Variants in AGMO observed in about 807,000 individuals in gnomAD.
The protein encoded by AGMO is alkylglycerol monooxygenase.
Under a neutral mutation model 60.2 loss-of-function variants are expected in AGMO, and 75 were observed. The ratio of observed to expected loss-of-function variants is 1.25; its 90% CI spans 1.03 to 1.51. AGMO has a LOEUF of 1.51. AGMO is among the 40% of genes most tolerant of loss of function. AGMO has a pLI of 0.00. For missense variants in AGMO, 763 were observed against 525.5 expected (o/e 1.45, Z -4.42); for synonymous variants, 261 against 177.1 (o/e 1.47, Z -3.76).
Position 15,380,599 on chromosome 7 carries a change from T to A in AGMO, c.1074+4847A>T, listed in dbSNP as rs74774531. On this transcript the variant is annotated intron_variant, in intron 10 of 12. Transcript: ENST00000342526. Reference sequence around the variant, plus strand: ...TGGCCATATTGCTCAAAGCAATTTATAGAATCAATGCTATGCTTATTAAAC... The same window carrying A: ...TGGCCATATTGCTCAAAGCAATTTAAAGAATCAATGCTATGCTTATTAAAC... Among the ~76,000 whole-genome samples, 8 of 152,240 alleles carry A rather than the reference T, an allele frequency of 5.3e-5. No homozygotes were observed. The East Asian group carries it at 1.5e-3, about 29-fold the overall frequency.
At chr7:15,500,091 C>A (rs370388066) in intron 3 of AGMO, among the ~76,000 whole-genome samples, 1 of 151,630 alleles carries the variant, frequency 6.6e-6, no homozygotes, top group Admixed American at 6.6e-5. Flanking sequence ...CATTGTCTTA[C>A]AGTTTTGGTT....
At chr7:15,228,526 A>C (rs1442742610) in intron 12 of AGMO, among the ~76,000 whole-genome samples, 6 of 152,188 alleles carry the variant, frequency 3.9e-5, no homozygotes, top group Non-Finnish European at 8.8e-5. Flanking sequence ...AGAGTACACA[A>C]GGAGAAAATA....
chr7:15,272,605 T>C (rs1783649887), intron 12 of AGMO, among the ~76,000 whole-genome samples: 3 of 152,142 alleles, frequency 2.0e-5, no homozygotes, highest in African/African-American at 4.8e-5. Flanking sequence ...TGCATGTATC[T>C]TTACAGCAGC....
chr7:15,375,932 T>TCA (rs1783435768), intron 10 of AGMO, among the ~76,000 whole-genome samples: 1 of 152,144 alleles, frequency 6.6e-6, no homozygotes, highest in Non-Finnish European at 1.5e-5. Context: ...GAAGATATAT[T>TCA]TAATTTCAAA....
At chr7:15,532,560 A>G (rs767553661) in intron 3 of AGMO, among the ~76,000 whole-genome samples, 11 of 152,188 alleles carry the variant, frequency 7.2e-5, no homozygotes, top group Non-Finnish European at 1.3e-4. Flanking sequence ...TTATTTAATA[A>G]AATGACAGGT....
chr7:15,318,984 T>G (rs1781025058), intron 12 of AGMO, among the ~76,000 whole-genome samples: 1 of 152,148 alleles, frequency 6.6e-6, no homozygotes, highest in Non-Finnish European at 1.5e-5. Flanking sequence ...CTATCTCCCT[T>G]TGTCTTCTCT....
intron 12 of AGMO, among the ~76,000 whole-genome samples, chr7:15,326,283 T>C (rs1781337534): frequency 6.6e-6 from 1 of 152,202 alleles, no homozygotes; most frequent in Non-Finnish European, 1.5e-5. Flanking sequence ...TTTGGCTGTA[T>C]TTGATTACTT....
chr7:15,286,493 C>T (rs1193821517), intron 12 of AGMO, among the ~76,000 whole-genome samples: 3 of 152,008 alleles, frequency 2.0e-5, no homozygotes, highest in African/African-American at 7.2e-5. Flanking sequence ...CACTAATCAT[C>T]AAGAAAATTC....
intron 4 of AGMO, among the ~76,000 whole-genome samples, chr7:15,428,752 A>G (rs1781141524): frequency 6.6e-6 from 1 of 152,048 alleles, no homozygotes; most frequent in Non-Finnish European, 1.5e-5. Flanking sequence ...TCCTCAGGTA[A>G]TTAATTAACT....
chr7:15,389,484 C>G (rs4639410), intron 8 of AGMO, among the ~76,000 whole-genome samples: 25,810 of 152,078 alleles, frequency 0.17, 2,315 homozygotes, highest in African/African-American at 0.21. Context: ...AATCAAGATA[C>G]AGACACAGAT....
At chr7:15,278,195 C>T (rs1783854051) in intron 12 of AGMO, among the ~76,000 whole-genome samples, 1 of 152,122 alleles carries the variant, frequency 6.6e-6, no homozygotes, top group Admixed American at 6.6e-5. Context: ...AGCTTTGTGG[C>T]TCATCTGATC....
intron 12 of AGMO, among the ~76,000 whole-genome samples, chr7:15,360,682 A>T (rs1782717665): frequency 6.6e-6 from 1 of 151,924 alleles, no homozygotes; most frequent in Non-Finnish European, 1.5e-5. Context: ...GGCCGGAGAG[A>T]CAGGCACACT....
intron 12 of AGMO, among the ~76,000 whole-genome samples, chr7:15,349,604 C>A (rs78168619): frequency 0.018 from 2,690 of 152,124 alleles, 72 homozygotes; most frequent in African/African-American, 0.06. Context: ...AATTAATATA[C>A]AAATGGTGTA....
chr7:15,135,979 C>CTTTTTTTTTTTTTTTTTTTTTTTTTTTTT, the AGMO span, among the ~76,000 whole-genome samples: 18 of 106,866 alleles, frequency 1.7e-4, no homozygotes, highest in Non-Finnish European at 2.3e-4. Context: ...TTTTTCTTTT[C>CTTTTTTTTTTTTTTTTTTTTTTTTTTTTT]TTTTTTTTTT....
intron 3 of AGMO, among the ~76,000 whole-genome samples, chr7:15,528,062 G>A (rs1177864832): frequency 6.6e-6 from 1 of 152,088 alleles, no homozygotes; most frequent in Non-Finnish European, 1.5e-5. Flanking sequence ...TGCAGCATGT[G>A]GATCAAGGAG....
chr7:15,477,749 T>C (rs1475496921), intron 3 of AGMO, among the ~76,000 whole-genome samples: 2 of 152,168 alleles, frequency 1.3e-5, no homozygotes, highest in East Asian at 3.9e-4. Context: ...GATTCTTCCT[T>C]TCTTTTCTAA....
At chr7:15,403,570 C>G in intron 5 of AGMO, among the ~76,000 whole-genome samples, 1 of 151,868 alleles carries the variant, frequency 6.6e-6, no homozygotes, top group East Asian at 1.9e-4. Context: ...TTTATACTAT[C>G]AATAAAATCT....
intron 12 of AGMO, among the ~76,000 whole-genome samples, chr7:15,310,503 G>A (rs1428039967): frequency 6.6e-6 from 1 of 151,818 alleles, no homozygotes; most frequent in Non-Finnish European, 1.5e-5. Context: ...TTAAATAATT[G>A]GATCAGACAA....
chr7:15,467,453 T>C (rs1782324180), intron 3 of AGMO, among the ~76,000 whole-genome samples: 1 of 152,206 alleles, frequency 6.6e-6, no homozygotes, highest in Non-Finnish European at 1.5e-5. Context: ...GATATGGGTG[T>C]TCCCTAATTA....
Sources: allele counts gnomAD v4.1 joint callset (sites outside exome capture counted in the v4.1 genomes callset), GRCh38; gene constraint gnomAD v4.1.1; transcripts MANE v1.5; gene names NCBI Gene and HGNC (gene_info 2026-07-23, HGNC 2026-07-21).